The following MAN1B1 variants were observed in gnomAD, a reference collection of about 807,000 sequenced individuals.
MAN1B1 encodes the protein endoplasmic reticulum mannosyl-oligosaccharide 1,2-alpha-mannosidase.
In MAN1B1, 66 loss-of-function variants were observed where a neutral mutation model predicts 75.5. The ratio of observed to expected loss-of-function variants is 0.87; its 90% CI spans 0.72 to 1.07. The LOEUF (loss-of-function observed/expected upper bound fraction) is 1.07. Among genes scored for constraint, MAN1B1 ranks in the 50% least tolerant of loss-of-function variants. The probability of loss-of-function intolerance (pLI) is 0.00; values close to 1 mark genes in which losing one functional copy is unlikely to be tolerated. For missense variants in MAN1B1, 973 were observed against 912.5 expected, an observed-to-expected ratio of 1.07 and a Z score of -0.85; for synonymous variants, 453 against 382.8, an observed-to-expected ratio of 1.18 and a Z score of -2.14.
At chr9:137,105,730 C>T (rs1265116970) in intron 8 of MAN1B1, 3 of 390,364 alleles carry the variant, frequency 7.7e-6, no homozygotes, top group Non-Finnish European at 1.5e-5. Context: ...TCAGGAGCAA[C>T]ACTGGGCTCA....
chr9:137,108,564 C>T lies in MAN1B1; in HGVS notation c.2073C>T (p.His691=). The T allele has an allele frequency of 1.2e-6, 2 of 1,613,888 alleles. No individual in the cohort carries two copies. Among genetic ancestry groups the T allele is most frequent in the East Asian group, 2.2e-5 (1 of 44,886 alleles). Residue 691 remains histidine (H), a synonymous_variant, in exon 13 of 13, where the codon CAC becomes CAT. Transcript: ENST00000371589. ...LDAYVFNTEA[H]PLPIWTPA is the part of the protein sequence containing the mutation. ...CCTACGTGTTCAACACCGAAGCCCA[C>T]CCTCTGCCTATCTGGACCCCTGCCT...
chr9:137,106,458 C>A, intron 9 of MAN1B1, 143 bp downstream of exon 9: 2 of 998,068 alleles, frequency 2.0e-6, no homozygotes, highest in Non-Finnish European at 2.9e-6. Context: ...CGTGCCAGGC[C>A]TGGCCCAGGC....
At position 137,088,098 on chromosome 9, in the gene MAN1B1, G is replaced by A. The variant is rs779132993; in HGVS notation, c.243G>A (p.Leu81=). The A allele has an allele frequency of 1.2e-6, 2 of 1,614,122 alleles. No homozygotes were observed. Among genetic ancestry groups the A allele is most frequent in the Non-Finnish European group, 8.5e-7 (1 of 1,179,962 alleles). Residue 81 remains leucine, a synonymous_variant, in exon 2 of 13, where the codon TTG becomes TTA. Transcript: ENST00000371589. The part of the protein sequence containing the change: ...CWRKWKQLSR[L]QRNMILFLLA... ...AGAAATGGAAGCAACTGTCGAGATT[G>A]CAGCGGAATATGATTCTCTTCCTCC...
chr9:137,100,294 A>G (rs969280298), intron 6 of MAN1B1, among the ~76,000 whole-genome samples: 2 of 152,144 alleles, frequency 1.3e-5, no homozygotes, highest in Admixed American at 6.6e-5. Context: ...TAATTTAAAC[A>G]TTTGCCTAAT....
At chr9:137,107,156 G>A (rs1831141473) in intron 10 of MAN1B1, 94 bp from the exon 11 acceptor site, 17 of 1,372,286 alleles carry the variant, frequency 1.2e-5, no homozygotes, top group South Asian at 5.1e-5. Flanking sequence ...TACCAGGGCC[G>A]AGGCAGCGCT....
At position 137,107,693 on chromosome 9, in the gene MAN1B1, C is replaced by T. The variant is rs115780555; in HGVS notation, c.1896+31C>T. 1,075 of 1,610,366 alleles carry T rather than the reference C, an allele frequency of 6.7e-4. 5 individuals carry two copies. The African/African-American group carries it at 0.011, about 17-fold the overall frequency. On this transcript the variant is annotated intron_variant, in intron 12 of 12. Transcript: ENST00000371589. ...CACCTGTCCTCGCCCCGCGTGGTCA[C>T]GGCCACCGGGCCACAGGCACGGCTG...
In MAN1B1 at chr9:137,106,211, T is replaced by C. The variant is rs1193172914; in HGVS notation, c.1341T>C (p.Ser447=). 2 of 1,610,728 alleles carry C rather than the reference T, an allele frequency of 1.2e-6. No homozygotes were observed. Among genetic ancestry groups the C allele is most frequent in the Non-Finnish European group, 8.5e-7 (1 of 1,178,982 alleles). ...TGCCCATGTTCATCAATACCCACAGTGGCCTCTTCACCCACCTGGGCGTAT... is the reference window on the plus strand; with the variant it reads ...TGCCCATGTTCATCAATACCCACAGCGGCCTCTTCACCCACCTGGGCGTAT... ...GLVPMFINTH[S]GLFTHLGVFT... is the part of the protein sequence containing the mutation. The change falls in exon 9 of 13, where the codon AGT becomes AGC. Residue 447 remains serine (S), a synonymous_variant. Transcript: ENST00000371589.
intron 3 of MAN1B1, among the ~76,000 whole-genome samples, chr9:137,089,898 C>T (rs570005358): frequency 2.0e-4 from 30 of 152,124 alleles, no homozygotes; most frequent in Middle Eastern, 3.4e-3. Flanking sequence ...GTCTGGGAGG[C>T]GCCATGGAGA....
intron 12 of MAN1B1, 195 bp from the exon 13 acceptor site, chr9:137,108,193 G>C (rs1831186667): frequency 1.6e-6 from 1 of 631,522 alleles, no homozygotes; most frequent in African/African-American, 1.8e-5. Flanking sequence ...GGTCACTTGA[G>C]GGTTGTTGGC....
At chr9:137,099,975 T>C (rs1830764548) in intron 6 of MAN1B1, 94 bp downstream of exon 6, 1 of 1,416,662 alleles carries the variant, frequency 7.1e-7, no homozygotes, top group East Asian at 2.3e-5. Context: ...AAAGCTGCTG[T>C]TTGCATCTGA....
At chr9:137,096,175 G>A in intron 3 of MAN1B1, 62 bp from the exon 4 acceptor site, 8 of 1,579,162 alleles carry the variant, frequency 5.1e-6, no homozygotes, top group Non-Finnish European at 7.0e-6. Context: ...GCGTCCCATA[G>A]AGGGAAAGAA....
chr9:137,089,862 C>T (rs1384126076), intron 3 of MAN1B1, among the ~76,000 whole-genome samples: 5 of 151,992 alleles, frequency 3.3e-5, no homozygotes, highest in African/African-American at 1.2e-4. Flanking sequence ...TGAGGAGCTC[C>T]GTTTTGGATC....
At chr9:137,098,071 G>A in intron 5 of MAN1B1, 134 bp downstream of exon 5, 1 of 685,130 alleles carries the variant, frequency 1.5e-6, no homozygotes. Context: ...TCCCCCTGTT[G>A]TCTGAGTCCT....
intron 8 of MAN1B1, chr9:137,105,494 CA>C: frequency 4.9e-6 from 1 of 203,256 alleles, no homozygotes; most frequent in Non-Finnish European, 1.0e-5. Context: ...GATAGGCAGC[CA>C]GGCCTCGAAG....
chr9:137,090,563 G>A (rs1208739230), intron 3 of MAN1B1, among the ~76,000 whole-genome samples: 1 of 151,424 alleles, frequency 6.6e-6, no homozygotes, highest in African/African-American at 2.4e-5. Context: ...TTTTCGAGGC[G>A]GAATCTCACT....
chr9:137,101,077 A>G lies in MAN1B1; in HGVS notation c.989A>G (p.Glu330Gly). 6.2e-7 allele frequency: 1 copy of G among 1,614,170 alleles called. No homozygotes were observed. Among genetic ancestry groups the G allele is most frequent in the Non-Finnish European group, 8.5e-7 (1 of 1,180,036 alleles). The change falls in exon 7 of 13, where the codon GAG becomes GGG. Residue 330 changes from glutamate (E) to glycine (G), a missense_variant. Transcript: ENST00000371589. Reference protein sequence around the residue: ...FEKDVDVNLFESTIRILGGLL... With the variant: ...FEKDVDVNLFGSTIRILGGLL... ...AAGGACGTGGACGTCAACCTGTTTG[A>G]GAGCACGATCCGCATCCTGGGGGGG...
At chr9:137,097,719 C>T (rs988662374) in intron 4 of MAN1B1, 109 bp from the exon 5 acceptor site, 10 of 843,252 alleles carry the variant, frequency 1.2e-5, no homozygotes, top group South Asian at 4.4e-5. Flanking sequence ...ATGATGGGGC[C>T]GCTTTGGGTG....
chr9:137,102,288 C>CAGT, intron 8 of MAN1B1: 1 of 286,228 alleles, frequency 3.5e-6, no homozygotes, highest in Admixed American at 4.0e-5. Flanking sequence ...CACACATTCA[C>CAGT]TGTTGCAGGC....
chr9:137,108,486 C>G lies in MAN1B1; in HGVS notation c.1995C>G (p.Leu665=). Residue 665 remains leucine, a synonymous_variant, in exon 13 of 13, where the codon CTC becomes CTG. Transcript: ENST00000371589. ...KMESFFLGET[L]KYLFLLFSDD... ...AGAGCTTCTTCCTGGGGGAGACGCT[C>G]AAGTATCTGTTCTTGCTCTTCTCCG... The G allele has an allele frequency of 6.2e-7, 1 of 1,613,984 alleles. No individual in the cohort carries two copies. The highest frequency in any genetic ancestry group is 1.3e-5 in the African/African-American group (1 of 75,036).
Sources: gnomAD v4.1 joint callset for allele counts (sites outside exome capture counted in the v4.1 genomes callset) on GRCh38, gnomAD v4.1.1 for gene constraint, MANE v1.5 for transcripts, NCBI Gene and HGNC (gene_info 2026-07-23, HGNC 2026-07-21) for gene names.